The following SUGCT variants were observed in gnomAD, a reference collection of about 807,000 sequenced individuals.
SUGCT encodes succinyl-CoA:glutarate-CoA transferase.
SUGCT carries 41 observed loss-of-function variants against 55.0 expected under a neutral mutation model. That is an observed-to-expected ratio of 0.74 (90% confidence interval 0.58 to 0.97). The LOEUF (loss-of-function observed/expected upper bound fraction) is 0.97. Among genes scored for constraint, SUGCT ranks in the 50% least tolerant of loss-of-function variants. The pLI is 0.00. For missense variants in SUGCT, 568 were observed against 547.8 expected, an observed-to-expected ratio of 1.04 and a Z score of -0.37; for synonymous variants, 187 against 200.4, an observed-to-expected ratio of 0.93 and a Z score of 0.56.
intron 12 of SUGCT, among the ~76,000 whole-genome samples, chr7:40,688,223 A>T (rs1028125173): frequency 6.6e-6 from 1 of 152,178 alleles, no homozygotes; most frequent in Non-Finnish European, 1.5e-5. Flanking sequence ...ACAATGTTGC[A>T]GTTGAAGCCA....
At chr7:41,018,696 A>C in the SUGCT span, among the ~76,000 whole-genome samples, 1 of 152,192 alleles carries the variant, frequency 6.6e-6, no homozygotes, top group South Asian at 2.1e-4. Context: ...CCTACCTAAA[A>C]GTGTCTGAAG....
chr7:40,764,431 A>G (rs1207099382), intron 13 of SUGCT, among the ~76,000 whole-genome samples: 1 of 152,212 alleles, frequency 6.6e-6, no homozygotes, highest in Non-Finnish European at 1.5e-5. Context: ...CATTTCAAAT[A>G]TGAGGAATTC....
At chr7:40,508,368 C>T (rs918854945) in intron 12 of SUGCT, among the ~76,000 whole-genome samples, 1 of 152,172 alleles carries the variant, frequency 6.6e-6, no homozygotes, top group African/African-American at 2.4e-5. Flanking sequence ...GTCATTTTTG[C>T]TATGTCTGCC....
Position 40,764,579 on chromosome 7 carries a change from T to TA in SUGCT, c.1153+15091dup, listed in dbSNP as rs573660636. 2.9e-3 allele frequency among the ~76,000 whole-genome samples: 444 copies of TA among 151,260 alleles called. 9 individuals carry two copies. The highest frequency in any genetic ancestry group is 4.2e-3 in the South Asian group (20 of 4,794). ...GAAAAAACAGACCTGACAGGAAGGT[T>TA]AAAAAAAAATAAGTGACTTAAACAA... On this transcript the variant is annotated intron_variant, in intron 13 of 13. Transcript: ENST00000335693.
intron 12 of SUGCT, among the ~76,000 whole-genome samples, chr7:40,499,881 G>A (rs1370670793): frequency 6.6e-6 from 1 of 151,886 alleles, no homozygotes; most frequent in African/African-American, 2.4e-5. Context: ...CCTCAGTATG[G>A]TCCTATTTAA....
Position 40,142,781 on chromosome 7 carries a change from C to G in SUGCT, c.100+7661C>G, listed in dbSNP as rs893676767. ...TGTGTTTTAATCATGATACAAACTC[C>G]TCCTCTTTCTGCTAATATCATGTCT... On this transcript the variant is annotated intron_variant, in intron 1 of 13. Transcript: ENST00000335693. 2.0e-5 allele frequency among the ~76,000 whole-genome samples: 3 copies of G among 152,216 alleles called. 1 individual carries two copies. In the Middle Eastern group the frequency reaches 9.5e-3, roughly 482 times the overall value.
chr7:40,745,530 C>T lies in SUGCT; in HGVS notation c.1090-3904C>T, dbSNP rs117935489. Among the ~76,000 whole-genome samples the T allele has an allele frequency of 1.4e-4, 22 of 152,172 alleles. No homozygotes were observed. In the East Asian group the frequency reaches 3.1e-3, roughly 21 times the overall value. On this transcript the variant is annotated intron_variant, in intron 12 of 13. Coordinates refer to ENST00000335693, the MANE Select transcript of SUGCT (RefSeq NM_001193313.2). ...GTCATTAGGCTGTCAATCTGTAAAA[C>T]GCTTGAGAAAGAAAGAGAGACCTTA...
At chr7:41,011,134 A>T in the SUGCT span, among the ~76,000 whole-genome samples, 1 of 152,202 alleles carries the variant, frequency 6.6e-6, no homozygotes, top group African/African-American at 2.4e-5. Context: ...CTATAAGAAC[A>T]CTGGTTGACA....
At chr7:40,820,350 T>C (rs1326722834) in intron 13 of SUGCT, among the ~76,000 whole-genome samples, 1 of 152,138 alleles carries the variant, frequency 6.6e-6, no homozygotes, top group Non-Finnish European at 1.5e-5. Flanking sequence ...ATAAATTACC[T>C]TGGGCAGTAT....
chr7:40,290,114 C>G (rs940709127), intron 8 of SUGCT, among the ~76,000 whole-genome samples: 7 of 151,380 alleles, frequency 4.6e-5, no homozygotes, highest in Admixed American at 2.0e-4. Context: ...CCATCCCCAT[C>G]AAGCTACCAA....
intron 11 of SUGCT, among the ~76,000 whole-genome samples, chr7:40,474,724 G>A (rs1430430251): frequency 1.3e-5 from 2 of 152,116 alleles, no homozygotes; most frequent in Admixed American, 1.3e-4. Flanking sequence ...AATCATGGTA[G>A]CATTGAAGCT....
intron 7 of SUGCT, among the ~76,000 whole-genome samples, chr7:40,265,807 A>T (rs980834502): frequency 6.6e-6 from 1 of 152,118 alleles, no homozygotes; most frequent in Non-Finnish European, 1.5e-5. Flanking sequence ...AAAAATTAGC[A>T]GGGCATGATG....
chr7:40,515,249 A>C (rs1793172546), intron 12 of SUGCT, among the ~76,000 whole-genome samples: 1 of 152,216 alleles, frequency 6.6e-6, no homozygotes, highest in Admixed American at 6.5e-5. Flanking sequence ...TTCCAGCTTT[A>C]TAATTGTATC....
the SUGCT span, among the ~76,000 whole-genome samples, chr7:40,868,518 T>G: frequency 3.3e-3 from 501 of 152,318 alleles, 2 homozygotes; most frequent in African/African-American, 0.011. Context: ...CTGCATAGTA[T>G]TCCATGACAC....
the SUGCT span, among the ~76,000 whole-genome samples, chr7:41,027,993 T>C: frequency 6.6e-6 from 1 of 152,154 alleles, no homozygotes; most frequent in Non-Finnish European, 1.5e-5. Flanking sequence ...AATGGGTAGA[T>C]ATTGGGATTT....
At chr7:40,629,409 A>G (rs1250086847) in intron 12 of SUGCT, among the ~76,000 whole-genome samples, 2 of 152,214 alleles carry the variant, frequency 1.3e-5, no homozygotes, top group Non-Finnish European at 2.9e-5. Flanking sequence ...AAGAGCTTTG[A>G]GGAAAGCCTT....
intron 12 of SUGCT, among the ~76,000 whole-genome samples, chr7:40,531,076 C>G (rs1006073372): frequency 3.9e-5 from 6 of 152,048 alleles, no homozygotes; most frequent in African/African-American, 1.4e-4. Flanking sequence ...TGAATTAGTC[C>G]CTATTACCCA....
chr7:40,705,929 T>G (rs1457042298), intron 12 of SUGCT, among the ~76,000 whole-genome samples: 1 of 152,116 alleles, frequency 6.6e-6, no homozygotes. Context: ...TTTTCTTAAT[T>G]TCCTTAATTT....
chr7:40,796,645 A>G (rs1921748), intron 13 of SUGCT, among the ~76,000 whole-genome samples: 46,686 of 152,034 alleles, frequency 0.31, 7,714 homozygotes, highest in South Asian at 0.44. Flanking sequence ...TTGAGATTTT[A>G]TATCATACAT....
Sources: gnomAD v4.1 joint callset for allele counts (sites outside exome capture counted in the v4.1 genomes callset) on GRCh38, gnomAD v4.1.1 for gene constraint, MANE v1.5 for transcripts, NCBI Gene and HGNC (gene_info 2026-07-23, HGNC 2026-07-21) for gene names.